DOK6: variants seen among roughly 807,000 people sequenced by gnomAD.
The protein encoded by DOK6 is docking protein 6.
In DOK6, 22 loss-of-function variants were observed where a neutral mutation model predicts 44.0. That is an observed-to-expected ratio of 0.50 (90% CI 0.36 to 0.71). DOK6 has a LOEUF of 0.71. Ranked by LOEUF, DOK6 falls within the 30% of genes least tolerant of loss-of-function variation. The pLI, the probability that DOK6 is intolerant of heterozygous loss-of-function variation, is 0.00. For missense variants in DOK6, 340 were observed against 416.4 expected (o/e 0.82, Z 1.60); for synonymous variants, 166 against 145.5 (o/e 1.14, Z -1.01).
At chr18:69,568,550 A>G (rs544200621) in intron 2 of DOK6, among the ~76,000 whole-genome samples, 60 of 152,308 alleles carry the variant, frequency 3.9e-4, no homozygotes, top group African/African-American at 1.3e-3. Context: ...CACCAAAGCA[A>G]TATTGGCCAT....
At chr18:69,524,981 T>TA (rs35522322) in intron 1 of DOK6, among the ~76,000 whole-genome samples, 2,195 of 151,244 alleles carry the variant, frequency 0.015, 22 homozygotes, top group Non-Finnish European at 0.022. Flanking sequence ...AGATTTTCAG[T>TA]AAAAAAACAT....
chr18:69,606,610 CA>C (rs1984001571), intron 3 of DOK6, among the ~76,000 whole-genome samples: 1 of 151,870 alleles, frequency 6.6e-6, no homozygotes, highest in African/African-American at 2.4e-5. Context: ...CCTCTGTTTG[CA>C]GATGACATGA....
chr18:69,740,201 G>T (rs1978756122), intron 6 of DOK6, among the ~76,000 whole-genome samples: 1 of 152,150 alleles, frequency 6.6e-6, no homozygotes, highest in Non-Finnish European at 1.5e-5. Context: ...AGACTGTGGG[G>T]TTGACTGAAG....
Position 69,442,755 on chromosome 18 carries a change from T to C in DOK6, c.66+41445T>C, listed in dbSNP as rs575014031. 2.6e-5 allele frequency among the ~76,000 whole-genome samples: 4 copies of C among 152,330 alleles called. No individual in the cohort carries two copies. The East Asian group carries it at 7.7e-4, about 29-fold the overall frequency. On this transcript the variant is annotated intron_variant, in intron 1 of 7. Coordinates refer to ENST00000382713, the MANE Select transcript of DOK6 (RefSeq NM_152721.6). ...TTGTCTTATACTATACTTATATATG[T>C]TGCTTATTGTCTTATACTATACTTA...
intron 3 of DOK6, among the ~76,000 whole-genome samples, chr18:69,615,128 A>C (rs1229975582): frequency 6.6e-6 from 1 of 152,214 alleles, no homozygotes; most frequent in Non-Finnish European, 1.5e-5. Context: ...AAGTTGTTGC[A>C]AATATAGTAT....
chr18:69,785,411 G>C (rs1370427851), intron 7 of DOK6, among the ~76,000 whole-genome samples: 1 of 152,110 alleles, frequency 6.6e-6, no homozygotes, highest in Non-Finnish European at 1.5e-5. Context: ...ATATAACTAT[G>C]GTGGTCTCCG....
intron 1 of DOK6, among the ~76,000 whole-genome samples, chr18:69,546,419 T>C (rs1490280339): frequency 6.6e-6 from 1 of 151,642 alleles, no homozygotes; most frequent in Non-Finnish European, 1.5e-5. Flanking sequence ...CCTCTCACTT[T>C]CTACCTCTGC....
intron 4 of DOK6, among the ~76,000 whole-genome samples, chr18:69,697,107 G>A (rs915223979): frequency 2.0e-5 from 3 of 150,948 alleles, no homozygotes; most frequent in Non-Finnish European, 4.4e-5. Context: ...AAGCTATCAT[G>A]GTTATGTTAA....
intron 2 of DOK6, among the ~76,000 whole-genome samples, chr18:69,581,182 G>T (rs1377536027): frequency 6.6e-6 from 1 of 152,150 alleles, no homozygotes; most frequent in Non-Finnish European, 1.5e-5. Context: ...GCATAGCAGG[G>T]GTTGGGGCAT....
At chr18:69,466,860 G>T (rs1979943418) in intron 1 of DOK6, among the ~76,000 whole-genome samples, 1 of 151,968 alleles carries the variant, frequency 6.6e-6, no homozygotes, top group African/African-American at 2.4e-5. Context: ...CCTCTTCTGT[G>T]TCCGTAATGA....
At chr18:69,835,390 G>A (rs764410906) in intron 7 of DOK6, among the ~76,000 whole-genome samples, 7 of 152,110 alleles carry the variant, frequency 4.6e-5, no homozygotes, top group Admixed American at 2.0e-4. Context: ...GCGTGAACCC[G>A]GGAGGTGGAG....
At chr18:69,710,415 GCA>G (rs1986730272) in intron 5 of DOK6, among the ~76,000 whole-genome samples, 2 of 152,242 alleles carry the variant, frequency 1.3e-5, no homozygotes, top group Middle Eastern at 3.4e-3. Context: ...AAATCAATTT[GCA>G]CACACATAGT....
At chr18:69,448,138 C>T (rs1415471970) in intron 1 of DOK6, among the ~76,000 whole-genome samples, 1 of 152,182 alleles carries the variant, frequency 6.6e-6, no homozygotes, top group Non-Finnish European at 1.5e-5. Context: ...AGATGGTAGG[C>T]AGACAACTTA....
intron 7 of DOK6, among the ~76,000 whole-genome samples, chr18:69,763,379 A>G (rs1979623614): frequency 6.6e-6 from 1 of 152,202 alleles, no homozygotes; most frequent in African/African-American, 2.4e-5. Flanking sequence ...GCTTATGAAA[A>G]ATGTTTATAT....
intron 5 of DOK6, among the ~76,000 whole-genome samples, chr18:69,706,461 G>T (rs1328372113): frequency 6.6e-6 from 1 of 152,092 alleles, no homozygotes; most frequent in Non-Finnish European, 1.5e-5. Context: ...TCAACAGGGA[G>T]AATAGAGCCT....
chr18:69,498,511 T>C (rs1980958441), intron 1 of DOK6, among the ~76,000 whole-genome samples: 1 of 152,182 alleles, frequency 6.6e-6, no homozygotes, highest in South Asian at 2.1e-4. Flanking sequence ...ATTCTTTATT[T>C]TGGAAAATTC....
intron 1 of DOK6, among the ~76,000 whole-genome samples, chr18:69,538,127 A>C (rs1982171184): frequency 1.3e-5 from 2 of 152,308 alleles, no homozygotes; most frequent in South Asian, 4.1e-4. Flanking sequence ...TCATGTATCT[A>C]TCTTCTTGTT....
At chr18:69,770,004 G>T (rs954078190) in intron 7 of DOK6, among the ~76,000 whole-genome samples, 2 of 152,108 alleles carry the variant, frequency 1.3e-5, no homozygotes, top group Non-Finnish European at 2.9e-5. Flanking sequence ...ATTTTATTGA[G>T]CAACCTTCTA....
intron 3 of DOK6, among the ~76,000 whole-genome samples, chr18:69,626,132 T>C (rs1163311581): frequency 1.3e-5 from 2 of 152,216 alleles, no homozygotes; most frequent in Non-Finnish European, 2.9e-5. Flanking sequence ...TAATCCATTG[T>C]ATTTTTCTGT....
Sources: gnomAD v4.1 joint callset for allele counts (sites outside exome capture counted in the v4.1 genomes callset) on GRCh38, gnomAD v4.1.1 for gene constraint, MANE v1.5 for transcripts, NCBI Gene and HGNC (gene_info 2026-07-23, HGNC 2026-07-21) for gene names.